The following SEMA3D variants were observed in gnomAD, a reference collection of about 807,000 sequenced individuals.
The protein encoded by SEMA3D is semaphorin 3D.
A neutral mutation model predicts 100.1 loss-of-function variants in SEMA3D; 84 were observed. The ratio of observed to expected loss-of-function variants is 0.84; its 90% CI spans 0.70 to 1.01. SEMA3D has a LOEUF of 1.01. SEMA3D is among the 50% of genes least tolerant of loss of function. The pLI is 0.00. For missense variants in SEMA3D, 875 were observed against 934.1 expected (o/e 0.94, Z 0.82); for synonymous variants, 312 against 320.7 (o/e 0.97, Z 0.29).
chr7:85,074,791 T>G (rs995592502), intron 5 of SEMA3D, among the ~76,000 whole-genome samples: 3 of 151,982 alleles, frequency 2.0e-5, no homozygotes, highest in Non-Finnish European at 4.4e-5. Context: ...GTAATTTTCG[T>G]GTTTTTTTTG....
chr7:85,142,716 G>C (rs972026872), intron 2 of SEMA3D: 11 of 936,538 alleles, frequency 1.2e-5, no homozygotes, highest in Non-Finnish European at 1.0e-5. Context: ...CCCCATCAAT[G>C]TTTTCTTTAA....
At chr7:85,151,937 GCTTT>G (rs1336644210) in intron 2 of SEMA3D, among the ~76,000 whole-genome samples, 2 of 151,878 alleles carry the variant, frequency 1.3e-5, no homozygotes, top group African/African-American at 2.4e-5. Flanking sequence ...ACCTTGAGAT[GCTTT>G]CTTTATTTTC....
intron 1 of SEMA3D, among the ~76,000 whole-genome samples, chr7:85,155,899 C>G (rs1167726056): frequency 6.6e-6 from 1 of 152,076 alleles, no homozygotes; most frequent in Non-Finnish European, 1.5e-5. Flanking sequence ...TGACTTATGT[C>G]ACACTTACAC....
intron 2 of SEMA3D, among the ~76,000 whole-genome samples, chr7:85,132,729 T>C (rs1017686333): frequency 6.6e-6 from 1 of 151,966 alleles, no homozygotes; most frequent in African/African-American, 2.4e-5. Flanking sequence ...TTATAATTAA[T>C]ACAAGTTTTA....
chr7:85,012,301 A>T (rs1175110365), intron 17 of SEMA3D, among the ~76,000 whole-genome samples: 2 of 151,792 alleles, frequency 1.3e-5, no homozygotes, highest in African/African-American at 4.8e-5. Context: ...ATGCACATGG[A>T]AGTCGCTTAA....
intron 1 of SEMA3D, among the ~76,000 whole-genome samples, chr7:85,168,121 T>G (rs905252191): frequency 6.6e-6 from 1 of 151,858 alleles, no homozygotes; most frequent in Non-Finnish European, 1.5e-5. Flanking sequence ...ATGGCTGAAA[T>G]AGATTAATCA....
the SEMA3D span, among the ~76,000 whole-genome samples, chr7:85,225,706 A>AAACATTCACCCCTAGAC: frequency 6.6e-6 from 1 of 152,134 alleles, no homozygotes; most frequent in South Asian, 2.1e-4. Context: ...CTTTAGCTGT[A>AAACATTCACCCCTAGAC]AACATTCACC....
At chr7:85,140,852 A>C in intron 2 of SEMA3D, 2 of 820,386 alleles carry the variant, frequency 2.4e-6, no homozygotes, top group Non-Finnish European at 2.9e-6. Context: ...TCTACCATTA[A>C]AAAAATGGTA....
At chr7:85,090,040 G>A (rs1788339900) in intron 4 of SEMA3D, among the ~76,000 whole-genome samples, 1 of 152,132 alleles carries the variant, frequency 6.6e-6, no homozygotes, top group Admixed American at 6.5e-5. Context: ...CTTGCGGATG[G>A]ACTTCAAACT....
chr7:85,140,217 T>C (rs933138598), intron 2 of SEMA3D: 3 of 675,944 alleles, frequency 4.4e-6, no homozygotes, highest in African/African-American at 3.9e-5. Context: ...AAAAATGTTT[T>C]ATTTTACTCA....
chr7:85,040,710 T>C lies in SEMA3D; in HGVS notation c.1009A>G (p.Arg337Gly), dbSNP rs942284547. The change falls in exon 11 of 19, where the codon AGA becomes GGA. Residue 337 changes from arginine (R) to glycine (G), a missense_variant. Transcript: ENST00000284136. Reference protein sequence around the residue: ...DIYLLPTRDERNPVVYGVFTT... With the variant: ...DIYLLPTRDEGNPVVYGVFTT... Reference sequence around the variant, plus strand: ...AAGACTCCATATACTACAGGATTTCTTTCATCTCTTGTGGGGAGTAAATAA... The same window carrying C: ...AAGACTCCATATACTACAGGATTTCCTTCATCTCTTGTGGGGAGTAAATAA... 3.4e-6 allele frequency: 5 copies of C among 1,479,148 alleles called. No individual in the cohort carries two copies. The African/African-American group carries it at 6.9e-5, about 21-fold the overall frequency. 91.6% of individuals were successfully genotyped at this position (1,479,148 alleles called of 1,614,324 possible).
intron 2 of SEMA3D, among the ~76,000 whole-genome samples, chr7:85,136,222 A>G (rs1789864705): frequency 6.6e-6 from 1 of 152,166 alleles, no homozygotes; most frequent in South Asian, 2.1e-4. Context: ...AATGAGAAAA[A>G]GATATCTTTC....
rs1248716494 is a variant in SEMA3D, at chr7:85,068,288, TTA to T, written c.496-6_496-5del. 6.7e-7 allele frequency: 1 copy of T among 1,483,502 alleles called. No homozygotes were observed. Among genetic ancestry groups the T allele is most frequent in the African/African-American group, 1.4e-5 (1 of 72,284 alleles). The allele number at this position is 1,483,502 out of a possible 1,614,324, so 91.9% of individuals were successfully genotyped here. On this transcript the variant is annotated splice_region_variant and splice_polypyrimidine_tract_variant and intron_variant, in intron 6 of 18. Coordinates refer to ENST00000284136, the MANE Select transcript of SEMA3D (RefSeq NM_001384900.1). Reference sequence around the variant, plus strand: ...TGTCTAGTTTGAATATAATATCCTGTTATGAGAAATATTAACACTAGTGAACT... The same window carrying T: ...TGTCTAGTTTGAATATAATATCCTGTTGAGAAATATTAACACTAGTGAACT...
intron 1 of SEMA3D, among the ~76,000 whole-genome samples, chr7:85,171,666 C>A (rs776646420): frequency 6.6e-6 from 1 of 151,772 alleles, no homozygotes; most frequent in Non-Finnish European, 1.5e-5. Context: ...CTTTATGTCG[C>A]CCACAAAATA....
At chr7:85,179,394 C>T (rs1172067059) in intron 1 of SEMA3D, among the ~76,000 whole-genome samples, 2 of 152,284 alleles carry the variant, frequency 1.3e-5, no homozygotes, top group South Asian at 2.1e-4. Flanking sequence ...TGAGAGCACA[C>T]CTCTTGTATC....
intron 12 of SEMA3D, chr7:85,029,084 T>C: frequency 1.8e-6 from 1 of 556,134 alleles, no homozygotes; most frequent in South Asian, 1.7e-5. Context: ...GATGCTACCA[T>C]TCCTACCAGG....
intron 1 of SEMA3D, among the ~76,000 whole-genome samples, chr7:85,154,339 A>G (rs1053515856): frequency 6.6e-6 from 1 of 152,064 alleles, no homozygotes; most frequent in Non-Finnish European, 1.5e-5. Flanking sequence ...ACCTTTCAAT[A>G]GAAATCTTAT....
rs1285056493 is a variant in SEMA3D at position 85,006,950 on chromosome 7, C to T, written c.1769-9G>A. ...AGTTTCATGACTAATGCCTGGAAAG[C>T]AAACATGGAATAAGAGATTAACCTT... On this transcript the variant is annotated splice_polypyrimidine_tract_variant and intron_variant, in intron 17 of 18. Transcript: ENST00000284136. 6.2e-7 allele frequency: 1 copy of T among 1,606,224 alleles called. No individual in the cohort carries two copies. Among genetic ancestry groups the T allele is most frequent in the Non-Finnish European group, 8.5e-7 (1 of 1,175,388 alleles).
Position 85,037,034 on chromosome 7 carries a change from C to A in SEMA3D, c.1047-1G>T. Reference sequence around the variant, plus strand: ...AACAGCAGAGCCTTTGAAGATGGAGCTGGAAAAAAAAAGCATCATCATTCA... The same window carrying A: ...AACAGCAGAGCCTTTGAAGATGGAGATGGAAAAAAAAAGCATCATCATTCA... On this transcript the variant is annotated splice_acceptor_variant, in intron 11 of 18. Transcript: ENST00000284136. LOFTEE classifies it high-confidence loss of function. The A allele has an allele frequency of 2.5e-6, 4 of 1,600,162 alleles. No individual in the cohort carries two copies. The highest frequency in any genetic ancestry group is 2.3e-5 in the South Asian group (2 of 88,482).
Sources: allele counts gnomAD v4.1 joint callset (sites outside exome capture counted in the v4.1 genomes callset), GRCh38; gene constraint gnomAD v4.1.1; transcripts MANE v1.5; gene names NCBI Gene and HGNC (gene_info 2026-07-23, HGNC 2026-07-21).